SNX29: variants seen among roughly 807,000 people sequenced by gnomAD.
The protein encoded by SNX29 is sorting nexin-29.
Under a neutral mutation model 102.1 loss-of-function variants are expected in SNX29, and 78 were observed. The ratio of observed to expected loss-of-function variants is 0.76; its 90% confidence interval spans 0.64 to 0.92. SNX29 has a LOEUF of 0.92. SNX29 is among the 40% of genes least tolerant of loss of function. SNX29 has a pLI of 0.00. For missense variants in SNX29, 1,280 were observed against 1,061.7 expected, an observed-to-expected ratio of 1.21 and a Z score of -2.86; for synonymous variants, 580 against 414.5, an observed-to-expected ratio of 1.40 and a Z score of -4.85.
At chr16:12,393,415 T>TGCA (rs59088050) in intron 16 of SNX29, among the ~76,000 whole-genome samples, 15 of 139,642 alleles carry the variant, frequency 1.1e-4, no homozygotes, top group Middle Eastern at 3.7e-3. Context: ...CATGCATGCA[T>TGCA]TCATTCATTC....
In SNX29 at chr16:12,570,238, G is replaced by A; in HGVS notation, c.*1609G>A. On this transcript the variant is annotated 3_prime_UTR_variant, in exon 21 of 21. Coordinates refer to ENST00000566228, the MANE Select transcript of SNX29 (RefSeq NM_032167.5). ...GGCCAGATAAGCCCTGCCCCGGTGA[G>A]ACCAAATGAGCTGGAGCATGTATGG... is the stretch of plus-strand genomic sequence containing the variant. The A allele has an allele frequency of 9.4e-7, 1 of 1,065,366 alleles. No individual in the cohort carries two copies. The highest frequency in any genetic ancestry group is 1.6e-5 in the African/African-American group (1 of 61,196). 66.0% of individuals were successfully genotyped at this position (1,065,366 alleles called of 1,614,324 possible).
At chr16:12,207,961 C>A (rs1015959547) in intron 14 of SNX29, among the ~76,000 whole-genome samples, 2 of 152,100 alleles carry the variant, frequency 1.3e-5, no homozygotes, top group Non-Finnish European at 2.9e-5. Flanking sequence ...AAGTACACAA[C>A]AGGTGCTTAA....
intron 18 of SNX29, 94 bp from the exon 19 acceptor site, chr16:12,477,625 G>C (rs2087716077): frequency 6.9e-7 from 1 of 1,442,238 alleles, no homozygotes; most frequent in Admixed American, 2.1e-5. Context: ...TGTGACTCTT[G>C]CTGCAGTTGG....
intron 16 of SNX29, among the ~76,000 whole-genome samples, chr16:12,394,070 C>T (rs575352640): frequency 6.6e-6 from 1 of 152,206 alleles, no homozygotes; most frequent in Non-Finnish European, 1.5e-5. Flanking sequence ...CCTGGGACTT[C>T]CTAGGGGCAA....
chr16:12,436,789 G>A (rs561896541), intron 18 of SNX29, among the ~76,000 whole-genome samples: 5 of 152,248 alleles, frequency 3.3e-5, no homozygotes, highest in Non-Finnish European at 7.3e-5. Context: ...TAGTAGCTGG[G>A]ATTACAGGTG....
intron 16 of SNX29, among the ~76,000 whole-genome samples, chr16:12,359,826 A>G (rs1172593089): frequency 6.6e-6 from 1 of 152,070 alleles, no homozygotes; most frequent in Admixed American, 6.6e-5. Flanking sequence ...TTTTTATTTT[A>G]TTTATTTATT....
intron 15 of SNX29, among the ~76,000 whole-genome samples, chr16:12,322,750 A>G (rs917342038): frequency 6.6e-6 from 1 of 150,576 alleles, no homozygotes; most frequent in Admixed American, 6.6e-5. Flanking sequence ...CAGTCACTGG[A>G]GTTACTGGGG....
At chr16:11,977,442 TC>T (rs2055327542) in intron 1 of SNX29, 1 of 152,986 alleles carries the variant, frequency 6.5e-6, no homozygotes, top group Non-Finnish European at 1.5e-5. Flanking sequence ...CCACTCGGCT[TC>T]CCTCTCCGGT....
intron 11 of SNX29, among the ~76,000 whole-genome samples, chr16:12,093,347 T>G (rs1185465635): frequency 2.0e-5 from 3 of 152,218 alleles, no homozygotes; most frequent in African/African-American, 7.2e-5. Context: ...CAGTGGTTCC[T>G]GGCTGTAATC....
rs561517492 is a variant in SNX29 at position 12,140,375 on chromosome 16, C to T, written c.1595+10617C>T. ...GGATTCACTCTCTCATTTCCCGGGC[C>T]AGCTGTGTTACTTTTCCTGCCCAAG... On this transcript the variant is annotated intron_variant, in intron 13 of 20. Coordinates refer to ENST00000566228, the MANE Select transcript of SNX29 (RefSeq NM_032167.5). Among the ~76,000 whole-genome samples, 15 of 152,338 alleles carry T rather than the reference C, an allele frequency of 9.8e-5. 1 individual carries two copies. In the South Asian group the frequency reaches 1.9e-3, roughly 19 times the overall value.
At chr16:12,197,549 C>T (rs1221978420) in intron 13 of SNX29, among the ~76,000 whole-genome samples, 1 of 152,128 alleles carries the variant, frequency 6.6e-6, no homozygotes, top group Non-Finnish European at 1.5e-5. Context: ...CCAGCCTGGG[C>T]GACAGAGTGA....
At chr16:12,286,877 A>G (rs768279969) in intron 15 of SNX29, among the ~76,000 whole-genome samples, 25 of 152,164 alleles carry the variant, frequency 1.6e-4, no homozygotes, top group Non-Finnish European at 3.7e-4. Context: ...ATCTATCTTT[A>G]AAAGATAAGA....
At chr16:12,413,874 C>T (rs1259967339) in intron 18 of SNX29, among the ~76,000 whole-genome samples, 1 of 131,582 alleles carries the variant, frequency 7.6e-6, no homozygotes, top group Non-Finnish European at 1.7e-5. Flanking sequence ...AATTACCATA[C>T]AGTCATCCCT....
intron 19 of SNX29, chr16:12,515,619 G>C: frequency 2.1e-6 from 1 of 487,198 alleles, no homozygotes; most frequent in South Asian, 1.5e-5. Flanking sequence ...CCTCCTCCCA[G>C]GTGCCTTCCT....
chr16:12,009,457 A>ATG (rs1356805950), intron 3 of SNX29, among the ~76,000 whole-genome samples: 122 of 114,060 alleles, frequency 1.1e-3, no homozygotes, highest in Non-Finnish European at 1.9e-3. Context: ...GTGTGTGTAT[A>ATG]TATGTGTGTG....
intron 11 of SNX29, among the ~76,000 whole-genome samples, chr16:12,086,235 T>C (rs1397915842): frequency 2.6e-5 from 4 of 152,136 alleles, no homozygotes; most frequent in African/African-American, 9.6e-5. Context: ...CAATCTCCTT[T>C]CCTTGTGATC....
intron 14 of SNX29, among the ~76,000 whole-genome samples, chr16:12,248,982 C>T (rs76449257): frequency 9.2e-5 from 14 of 152,216 alleles, no homozygotes; most frequent in East Asian, 7.7e-4. Context: ...CTGGGAAGTG[C>T]GGTGCTGGGT....
intron 13 of SNX29, among the ~76,000 whole-genome samples, chr16:12,170,034 G>T (rs141647921): frequency 5.3e-5 from 8 of 152,252 alleles, no homozygotes; most frequent in African/African-American, 1.9e-4. Context: ...TCTCCGTGCC[G>T]ACACTTGGGC....
intron 13 of SNX29, among the ~76,000 whole-genome samples, chr16:12,169,717 C>T (rs1337085622): frequency 6.6e-6 from 1 of 151,996 alleles, no homozygotes; most frequent in Non-Finnish European, 1.5e-5. Context: ...AAAAATTAGC[C>T]GGGAATGGTT....
Sources: allele counts gnomAD v4.1 joint callset (sites outside exome capture counted in the v4.1 genomes callset), GRCh38; gene constraint gnomAD v4.1.1; transcripts MANE v1.5; gene names NCBI Gene and HGNC (gene_info 2026-07-23, HGNC 2026-07-21).